The following FGD4 variants were observed in gnomAD, a reference collection of about 807,000 sequenced individuals.
The protein encoded by FGD4 is FYVE, RhoGEF and PH domain-containing protein 4.
In FGD4, 42 loss-of-function variants were observed where a neutral mutation model predicts 102.0. The observed-to-expected ratio is 0.41, with a 90% CI of 0.32 to 0.53. FGD4 has a LOEUF of 0.53. Among genes scored for constraint, FGD4 ranks in the 20% least tolerant of loss-of-function variants. The pLI is 0.21. For synonymous variants in FGD4, 380 were observed against 375.7 expected (o/e 1.01, Z -0.13); for missense variants, 902 against 1,078.2 (o/e 0.84, Z 2.29).
At chr12:32,467,434 G>C (rs544275769) in intron 1 of FGD4, among the ~76,000 whole-genome samples, 1 of 152,072 alleles carries the variant, frequency 6.6e-6, no homozygotes, top group Non-Finnish European at 1.5e-5. Context: ...AATTCCTTGT[G>C]GTGGTATATA....
At chr12:32,433,031 C>G (rs1029747123) in intron 1 of FGD4, among the ~76,000 whole-genome samples, 1 of 151,780 alleles carries the variant, frequency 6.6e-6, no homozygotes, top group African/African-American at 2.4e-5. Context: ...AGGTCTCACT[C>G]TGTCGCCCAG....
At position 32,640,578 on chromosome 12, in the gene FGD4, G is replaced by T; in HGVS notation, c.*45G>T. 2 of 1,612,238 alleles carry T rather than the reference G, an allele frequency of 1.2e-6. No individual in the cohort carries two copies. Among genetic ancestry groups the T allele is most frequent in the Non-Finnish European group, 1.7e-6 (2 of 1,179,912 alleles). On this transcript the variant is annotated 3_prime_UTR_variant, in exon 17 of 17. Transcript: ENST00000534526. ...TGGTGTGGAGGTCTCAGGACTTACAGCTCAAGACATTCCCAGCTCTTCTTA... is the reference window on the plus strand; with the variant it reads ...TGGTGTGGAGGTCTCAGGACTTACATCTCAAGACATTCCCAGCTCTTCTTA...
chr12:32,622,408 C>T (rs1949897889), intron 11 of FGD4, among the ~76,000 whole-genome samples: 1 of 152,184 alleles, frequency 6.6e-6, no homozygotes, highest in African/African-American at 2.4e-5. Context: ...GAGGAATTTT[C>T]TTAAGTACAG....
At chr12:32,563,024 C>A (rs1360226201) in intron 1 of FGD4, among the ~76,000 whole-genome samples, 1 of 145,258 alleles carries the variant, frequency 6.9e-6, no homozygotes, top group Non-Finnish European at 1.5e-5. Flanking sequence ...CCGGACGGGG[C>A]GGCTGGCCGG....
At chr12:32,545,972 G>A (rs1431192442) in intron 1 of FGD4, among the ~76,000 whole-genome samples, 2 of 152,206 alleles carry the variant, frequency 1.3e-5, no homozygotes, top group Admixed American at 1.3e-4. Flanking sequence ...TCCTGGAACA[G>A]ATTCTAAGAA....
At chr12:32,600,717 A>C (rs1948370895) in intron 5 of FGD4, among the ~76,000 whole-genome samples, 1 of 151,944 alleles carries the variant, frequency 6.6e-6, no homozygotes. Flanking sequence ...GTATCTGAGA[A>C]TTGAAATATT....
chr12:32,439,005 C>T (rs185111320), intron 1 of FGD4, among the ~76,000 whole-genome samples: 119 of 152,232 alleles, frequency 7.8e-4, no homozygotes, highest in Non-Finnish European at 8.8e-5. Context: ...ATATGTATTA[C>T]CTCACTTATA....
intron 10 of FGD4, among the ~76,000 whole-genome samples, chr12:32,618,438 AT>A (rs11295251): frequency 0.51 from 77,072 of 151,978 alleles, 20,738 homozygotes; most frequent in African/African-American, 0.68. Context: ...ATGGATGGTG[AT>A]TAAAAACCTT....
rs764106230 is a variant in FGD4 at position 32,599,534 on chromosome 12, C to CTTTTTT, written c.1101+973_1101+978dup. ...GAATAACTTTTGAAAACTAAGGCAT[C>CTTTTTT]TTTTTTTTTTTTTTTTTTTTTTTTT... On this transcript the variant is annotated intron_variant, in intron 5 of 16. Transcript: ENST00000534526. Among the ~76,000 whole-genome samples the CTTTTTT allele has an allele frequency of 8.0e-3, 283 of 35,356 alleles. 63 individuals carry two copies. The highest frequency in any genetic ancestry group is 0.021 in the East Asian group (23 of 1,084). 23.2% of individuals were successfully genotyped at this position (35,356 alleles called of 152,430 possible).
Position 32,546,461 on chromosome 12 carries a change from G to A in FGD4, c.167-17676G>A, listed in dbSNP as rs188028195. Among the ~76,000 whole-genome samples the A allele has an allele frequency of 8.3e-3, 1,266 of 152,364 alleles. 12 individuals carry two copies. The highest frequency in any genetic ancestry group is 0.014 in the Non-Finnish European group (971 of 68,032). On this transcript the variant is annotated intron_variant, in intron 1 of 16. Coordinates refer to ENST00000534526, the MANE Select transcript of FGD4 (RefSeq NM_001370298.3). Reference sequence around the variant, plus strand: ...ACCTTGGAATTAAAAGCCCTGTTGTGACTCGTGGCTTTGCCACTTTTAACC... The same window carrying A: ...ACCTTGGAATTAAAAGCCCTGTTGTAACTCGTGGCTTTGCCACTTTTAACC...
chr12:32,549,591 T>C (rs931383616), intron 1 of FGD4, among the ~76,000 whole-genome samples: 2 of 152,118 alleles, frequency 1.3e-5, no homozygotes, highest in Non-Finnish European at 2.9e-5. Context: ...ATTAGGCAAA[T>C]AGGCTTTCCC....
chr12:32,624,893 C>T (rs1390110152), intron 12 of FGD4, 83 bp from the exon 13 acceptor site: 1 of 1,173,842 alleles, frequency 8.5e-7, no homozygotes, highest in East Asian at 2.4e-5. Flanking sequence ...TGATTCCTAT[C>T]ATAGATATTT....
intron 12 of FGD4, 38 bp downstream of exon 12, chr12:32,624,490 T>C: frequency 6.5e-7 from 1 of 1,544,754 alleles, no homozygotes; most frequent in Non-Finnish European, 8.9e-7. Context: ...TTCTTTTTTT[T>C]TTTGAGGCAG....
At chr12:32,582,675 A>C (rs1200763721) in intron 4 of FGD4, 2 of 626,478 alleles carry the variant, frequency 3.2e-6, no homozygotes, top group East Asian at 5.7e-5. Context: ...GTTTCTGTTA[A>C]TATCTCTGTT....
intron 14 of FGD4, among the ~76,000 whole-genome samples, chr12:32,630,261 A>G (rs558221836): frequency 6.6e-6 from 1 of 152,328 alleles, no homozygotes; most frequent in African/African-American, 2.4e-5. Flanking sequence ...ATTATAGCAA[A>G]ATTCTTCTCA....
At chr12:32,521,113 G>C (rs1486123582) in intron 1 of FGD4, among the ~76,000 whole-genome samples, 3 of 152,058 alleles carry the variant, frequency 2.0e-5, no homozygotes, top group African/African-American at 7.2e-5. Context: ...TGCAGGCTGG[G>C]CGCGGTGGTT....
intron 8 of FGD4, among the ~76,000 whole-genome samples, chr12:32,608,658 A>G (rs1026736615): frequency 6.6e-6 from 1 of 152,190 alleles, no homozygotes; most frequent in Non-Finnish European, 1.5e-5. Context: ...TTAAAGGCTT[A>G]TGAGTTTCAA....
chr12:32,415,414 CTTTTTTTTTTT>C (rs34612851), intron 1 of FGD4, among the ~76,000 whole-genome samples: 5 of 89,626 alleles, frequency 5.6e-5, no homozygotes, highest in African/African-American at 2.4e-4. Context: ...ATCTGTCTCT[CTTTTTTTTTTT>C]TTTTTTTTTT....
intron 1 of FGD4, chr12:32,534,388 C>G: frequency 6.7e-7 from 1 of 1,489,350 alleles, no homozygotes; most frequent in Non-Finnish European, 8.9e-7. Context: ...GCTTTACAGC[C>G]AGGAGTGAGA....
Sources: allele counts gnomAD v4.1 joint callset (sites outside exome capture counted in the v4.1 genomes callset), GRCh38; gene constraint gnomAD v4.1.1; transcripts MANE v1.5; gene names NCBI Gene and HGNC (gene_info 2026-07-23, HGNC 2026-07-21).